TRAPPC9: variants seen among roughly 807,000 people sequenced by gnomAD.
TRAPPC9 encodes IKK2 binding protein.
TRAPPC9 carries 83 observed loss-of-function variants against 124.0 expected under a neutral mutation model. The observed-to-expected ratio is 0.67, with a 90% CI of 0.56 to 0.80. The LOEUF (loss-of-function observed/expected upper bound fraction) is 0.80. Ranked by LOEUF, TRAPPC9 falls within the 30% of genes least tolerant of loss-of-function variation. The pLI is 0.00. For missense variants in TRAPPC9, 1,302 were observed against 1,508.3 expected, an observed-to-expected ratio of 0.86 and a Z score of 2.27; for synonymous variants, 638 against 617.5, an observed-to-expected ratio of 1.03 and a Z score of -0.49.
intron 9 of TRAPPC9, among the ~76,000 whole-genome samples, chr8:140,329,885 G>A (rs200615637): frequency 2.0e-5 from 3 of 151,920 alleles, no homozygotes; most frequent in Admixed American, 6.6e-5. Flanking sequence ...TGAGACCAGC[G>A]TGGCCAATGT....
At chr8:140,323,804 C>T (rs1253051452) in intron 9 of TRAPPC9, among the ~76,000 whole-genome samples, 1 of 152,114 alleles carries the variant, frequency 6.6e-6, no homozygotes, top group Non-Finnish European at 1.5e-5. Flanking sequence ...AGATGGTAGA[C>T]TTGAACCCAT....
At chr8:140,249,338 C>T (rs4736155) in intron 16 of TRAPPC9, among the ~76,000 whole-genome samples, 37,665 of 152,016 alleles carry the variant, frequency 0.25, 4,871 homozygotes, top group Admixed American at 0.31. Context: ...GATGCATCCA[C>T]GTTGCTGCAA....
In TRAPPC9 at chr8:139,772,676, T is replaced by A. The variant is rs184603700; in HGVS notation, c.3056-40474A>T. Among the ~76,000 whole-genome samples, 4 of 152,340 alleles carry A rather than the reference T, an allele frequency of 2.6e-5. No homozygotes were observed. The East Asian group carries it at 7.7e-4, about 29-fold the overall frequency. ...CTAATCTTTGTGCAGCTCTATTAAATGTCTACTAACATATACGACACCTAG... is the reference window on the plus strand; with the variant it reads ...CTAATCTTTGTGCAGCTCTATTAAAAGTCTACTAACATATACGACACCTAG... On this transcript the variant is annotated intron_variant, in intron 21 of 22. Transcript: ENST00000438773.
intron 19 of TRAPPC9, among the ~76,000 whole-genome samples, chr8:139,954,872 C>T (rs1224272284): frequency 1.3e-5 from 2 of 152,184 alleles, no homozygotes; most frequent in East Asian, 1.9e-4. Flanking sequence ...ATAAAAGGAG[C>T]CAGCTCTGCA....
chr8:140,051,406 C>G (rs183899847), intron 17 of TRAPPC9, among the ~76,000 whole-genome samples: 17 of 152,258 alleles, frequency 1.1e-4, no homozygotes, highest in South Asian at 6.2e-4. Context: ...ACCCTGGATT[C>G]AGAAGCCTTA....
In TRAPPC9 at chr8:140,313,650, T is replaced by A. The variant is rs2066366461; in HGVS notation, c.1496-2276A>T. On this transcript the variant is annotated intron_variant, in intron 9 of 22. Transcript: ENST00000438773. Reference sequence around the variant, plus strand: ...TGCCTCAATATTCACTTACTCCCCATGAGCGTAGCAGGGCACACCTCTCCG... The same window carrying A: ...TGCCTCAATATTCACTTACTCCCCAAGAGCGTAGCAGGGCACACCTCTCCG... Among the ~76,000 whole-genome samples, 3 of 152,138 alleles carry A rather than the reference T, an allele frequency of 2.0e-5. No individual in the cohort carries two copies. In the South Asian group the frequency reaches 6.2e-4, roughly 32 times the overall value.
intron 9 of TRAPPC9, among the ~76,000 whole-genome samples, chr8:140,357,388 C>T (rs1383756575): frequency 1.3e-5 from 2 of 152,116 alleles, no homozygotes; most frequent in Non-Finnish European, 2.9e-5. Flanking sequence ...CGTGTCACCA[C>T]AACTCACCAA....
At chr8:139,875,342 C>T (rs530924657) in intron 21 of TRAPPC9, among the ~76,000 whole-genome samples, 4 of 152,182 alleles carry the variant, frequency 2.6e-5, no homozygotes, top group East Asian at 3.9e-4. Flanking sequence ...GCCACAGGGA[C>T]GCAGAAAGGA....
At chr8:140,383,196 A>G (rs1305889278) in intron 7 of TRAPPC9, among the ~76,000 whole-genome samples, 2 of 152,202 alleles carry the variant, frequency 1.3e-5, no homozygotes, top group Non-Finnish European at 2.9e-5. Flanking sequence ...AGGTAGAAAA[A>G]ACCACAAAGA....
intron 21 of TRAPPC9, among the ~76,000 whole-genome samples, chr8:139,839,595 T>C (rs1168079280): frequency 6.6e-6 from 1 of 152,186 alleles, no homozygotes; most frequent in East Asian, 1.9e-4. Flanking sequence ...TCCCTCCTCA[T>C]TAGTCATGTT....
At chr8:139,937,555 C>CTGGGGCCAG (rs984477075) in intron 19 of TRAPPC9, among the ~76,000 whole-genome samples, 7 of 152,038 alleles carry the variant, frequency 4.6e-5, no homozygotes, top group East Asian at 1.9e-4. Flanking sequence ...AGGGCCGGTG[C>CTGGGGCCAG]TGGGGCCAGT....
intron 19 of TRAPPC9, among the ~76,000 whole-genome samples, chr8:139,939,884 C>T (rs963334355): frequency 5.3e-5 from 8 of 152,226 alleles, no homozygotes; most frequent in African/African-American, 1.2e-4. Flanking sequence ...GTCTCATCTG[C>T]GGGAAAGGCC....
At chr8:140,224,248 G>C (rs1173464191) in intron 16 of TRAPPC9, among the ~76,000 whole-genome samples, 1 of 152,120 alleles carries the variant, frequency 6.6e-6, no homozygotes, top group Admixed American at 6.5e-5. Context: ...ACTCAGACCA[G>C]CTCAGCCACT....
At chr8:139,811,061 A>T (rs1487950005) in intron 21 of TRAPPC9, among the ~76,000 whole-genome samples, 1 of 152,268 alleles carries the variant, frequency 6.6e-6, no homozygotes, top group Non-Finnish European at 1.5e-5. Flanking sequence ...AGGAAGGCAG[A>T]AACAATTCAC....
In TRAPPC9 at chr8:139,885,908, T is replaced by C; in HGVS notation, c.3026A>G (p.Glu1009Gly). The C allele has an allele frequency of 1.3e-6, 2 of 1,570,668 alleles. No homozygotes were observed. Among genetic ancestry groups the C allele is most frequent in the Non-Finnish European group, 1.7e-6 (2 of 1,157,284 alleles). The change falls in exon 21 of 23, where the codon GAG becomes GGG. Residue 1009 changes from glutamate (E) to glycine (G), a missense_variant. By Grantham distance (98) the Glu-to-Gly change is moderately conservative. This residue lies in a region of TRAPPC9 where 640 missense variants were observed against 679.3 expected (regional missense o/e 0.94). Coordinates refer to ENST00000438773, the MANE Select transcript of TRAPPC9 (RefSeq NM_001160372.4). Reference protein sequence around the residue: ...VEGLLNQLVLEHLQLAPLQWD... With the variant: ...VEGLLNQLVLGHLQLAPLQWD... ...CTGCAGAGGCGCCAGCTGCAGGTGC[T>C]CCAGGACGAGCTGGTTCAGGAGTCC...
chr8:140,070,241 T>G (rs974171903), intron 17 of TRAPPC9, among the ~76,000 whole-genome samples: 1 of 152,220 alleles, frequency 6.6e-6, no homozygotes, highest in Non-Finnish European at 1.5e-5. Context: ...CATACCTTTT[T>G]TTCTACTTTT....
At chr8:140,082,919 G>A (rs984534551) in intron 17 of TRAPPC9, among the ~76,000 whole-genome samples, 7 of 152,322 alleles carry the variant, frequency 4.6e-5, no homozygotes, top group African/African-American at 1.7e-4. Context: ...CATTGGCCAG[G>A]CGCGGTGGCT....
intron 17 of TRAPPC9, among the ~76,000 whole-genome samples, chr8:140,090,840 C>T (rs544415278): frequency 6.6e-6 from 1 of 152,296 alleles, no homozygotes; most frequent in East Asian, 1.9e-4. Flanking sequence ...CAGCGGAGGC[C>T]AACAGGCTGA....
intron 17 of TRAPPC9, among the ~76,000 whole-genome samples, chr8:140,033,679 T>TTTG (rs1563706903): frequency 7.9e-5 from 9 of 113,728 alleles, no homozygotes; most frequent in Admixed American, 4.3e-4. Flanking sequence ...TTTTTTTTTT[T>TTTG]TTTTTTTTTT....
Sources: allele counts gnomAD v4.1 joint callset (sites outside exome capture counted in the v4.1 genomes callset), GRCh38; gene constraint gnomAD v4.1.1; regional missense constraint gnomAD v4.1.1; transcripts MANE v1.5; gene names NCBI Gene and HGNC (gene_info 2026-07-23, HGNC 2026-07-21).